Variants in CTNNA3 observed in about 807,000 individuals in gnomAD.
The protein encoded by CTNNA3 is catenin alpha-3.
In CTNNA3, 76 loss-of-function variants were observed where a neutral mutation model predicts 95.7. That is an observed-to-expected ratio of 0.79 (90% CI 0.66 to 0.96). CTNNA3 has a LOEUF of 0.96. CTNNA3 is among the 40% of genes least tolerant of loss of function. The pLI, the probability that CTNNA3 is intolerant of heterozygous loss-of-function variation, is 0.00. For synonymous variants in CTNNA3, 431 were observed against 374.4 expected, an observed-to-expected ratio of 1.15 and a Z score of -1.74; for missense variants, 1,191 against 1,089.8, an observed-to-expected ratio of 1.09 and a Z score of -1.31.
intron 5 of CTNNA3, among the ~76,000 whole-genome samples, chr10:67,281,560 A>G (rs1839402314): frequency 6.6e-6 from 1 of 152,178 alleles, no homozygotes; most frequent in Admixed American, 6.6e-5. Context: ...ATGATGGTTT[A>G]TAATTTGCAG....
intron 14 of CTNNA3, among the ~76,000 whole-genome samples, chr10:66,093,377 C>G (rs1339475391): frequency 1.3e-5 from 2 of 151,866 alleles, no homozygotes; most frequent in Non-Finnish European, 2.9e-5. Flanking sequence ...AGCTTTTCAG[C>G]AGAAGTTTTT....
intron 15 of CTNNA3, among the ~76,000 whole-genome samples, chr10:66,060,623 A>G (rs2080175216): frequency 6.6e-6 from 1 of 152,082 alleles, no homozygotes; most frequent in Admixed American, 6.6e-5. Context: ...TTTTATGCAG[A>G]AAGACTTAGG....
At chr10:66,681,262 C>T (rs1847058758) in intron 9 of CTNNA3, among the ~76,000 whole-genome samples, 1 of 152,220 alleles carries the variant, frequency 6.6e-6, no homozygotes. Flanking sequence ...CTGCATATTA[C>T]CCTGACTCAT....
intron 11 of CTNNA3, among the ~76,000 whole-genome samples, chr10:66,411,079 T>C (rs920083043): frequency 2.0e-5 from 3 of 152,194 alleles, no homozygotes; most frequent in African/African-American, 7.2e-5. Context: ...CTTCTGTCAA[T>C]TTGAAAATAA....
At chr10:66,303,820 C>G (rs2091897771) in intron 12 of CTNNA3, among the ~76,000 whole-genome samples, 1 of 152,032 alleles carries the variant, frequency 6.6e-6, no homozygotes, top group Admixed American at 6.6e-5. Context: ...GTCTTGATCT[C>G]CTGACCTCGT....
At chr10:66,039,976 C>A (rs2079650893) in intron 15 of CTNNA3, among the ~76,000 whole-genome samples, 1 of 152,106 alleles carries the variant, frequency 6.6e-6, no homozygotes, top group South Asian at 2.1e-4. Context: ...CTGCATCTGA[C>A]TAAGCTCTAA....
chr10:66,328,594 C>T (rs920214695), intron 12 of CTNNA3, among the ~76,000 whole-genome samples: 1 of 151,784 alleles, frequency 6.6e-6, no homozygotes, highest in Admixed American at 6.6e-5. Context: ...TGAAATCTCA[C>T]GGTCCATTTT....
At chr10:67,442,538 A>G (rs1003236397) in intron 5 of CTNNA3, among the ~76,000 whole-genome samples, 18 of 152,096 alleles carry the variant, frequency 1.2e-4, no homozygotes, top group Non-Finnish European at 2.2e-4. Flanking sequence ...ATCTGAATGA[A>G]CAGCCCCCCA....
chr10:66,244,582 A>G (rs554283752), intron 13 of CTNNA3, among the ~76,000 whole-genome samples: 1,884 of 55,280 alleles, frequency 0.034, 34 homozygotes, highest in African/African-American at 0.08. Context: ...GTAAGAAAAG[A>G]GAAAAACAAT....
chr10:65,997,990 G>A (rs190014341), intron 15 of CTNNA3, among the ~76,000 whole-genome samples: 4 of 152,148 alleles, frequency 2.6e-5, no homozygotes, highest in East Asian at 3.9e-4. Flanking sequence ...ACTCCTGCCT[G>A]GGCAACAAGG....
intron 4 of CTNNA3, among the ~76,000 whole-genome samples, chr10:67,535,388 G>A (rs1346652742): frequency 2.6e-5 from 4 of 152,054 alleles, no homozygotes; most frequent in Middle Eastern, 3.2e-3. Context: ...GTCAAAGGAT[G>A]ATGGACTGTA....
intron 1 of CTNNA3, among the ~76,000 whole-genome samples, chr10:67,749,687 C>T (rs1482332444): frequency 6.6e-6 from 1 of 152,184 alleles, no homozygotes; most frequent in Non-Finnish European, 1.5e-5. Context: ...ATTTATAGCA[C>T]TAAATACCCA....
Position 66,342,841 on chromosome 10 carries a change from T to C in CTNNA3, c.1732+36311A>G, listed in dbSNP as rs148398462. ...TCAATAATTTTTGGAAGATATTATC[T>C]TTGTCGTATTATTTGTTCAATGACA... is the stretch of plus-strand genomic sequence containing the variant. On this transcript the variant is annotated intron_variant, in intron 12 of 17. Coordinates refer to ENST00000433211, the MANE Select transcript of CTNNA3 (RefSeq NM_013266.4). Among the ~76,000 whole-genome samples the C allele has an allele frequency of 2.0e-5, 3 of 152,236 alleles. No homozygotes were observed. The East Asian group carries it at 5.8e-4, about 29-fold the overall frequency.
At chr10:66,895,054 C>CAAAAAAAAAAAAAAAAAAAAAAAAAACA (rs537843933) in intron 7 of CTNNA3, among the ~76,000 whole-genome samples, 1 of 115,586 alleles carries the variant, frequency 8.7e-6, no homozygotes, top group Non-Finnish European at 1.7e-5. Flanking sequence ...AACAAATAAA[C>CAAAAAAAAAAAAAAAAAAAAAAAAAACA]AAAAAAAAAA....
chr10:66,704,538 T>C (rs1181171565), intron 9 of CTNNA3, among the ~76,000 whole-genome samples: 2 of 152,180 alleles, frequency 1.3e-5, no homozygotes, highest in Admixed American at 1.3e-4. Context: ...CATGCCATTT[T>C]ATTACCCTTT....
chr10:66,301,523 A>G (rs1372016066), intron 12 of CTNNA3, among the ~76,000 whole-genome samples: 1 of 151,930 alleles, frequency 6.6e-6, no homozygotes, highest in Non-Finnish European at 1.5e-5. Context: ...AAATAAATCT[A>G]CAAAGAATCA....
At chr10:66,218,986 C>G (rs2088735759) in intron 13 of CTNNA3, among the ~76,000 whole-genome samples, 1 of 152,174 alleles carries the variant, frequency 6.6e-6, no homozygotes, top group Non-Finnish European at 1.5e-5. Flanking sequence ...GTTCTCCTTT[C>G]TTATTAGAAA....
chr10:66,430,961 C>G (rs2093289707), intron 11 of CTNNA3, among the ~76,000 whole-genome samples: 1 of 152,028 alleles, frequency 6.6e-6, no homozygotes, highest in Non-Finnish European at 1.5e-5. Context: ...TCAGAGTGAA[C>G]AGGCAACCTA....
At chr10:66,448,048 T>C (rs1436829161) in intron 11 of CTNNA3, among the ~76,000 whole-genome samples, 1 of 152,188 alleles carries the variant, frequency 6.6e-6, no homozygotes, top group Non-Finnish European at 1.5e-5. Flanking sequence ...AAAGAAGACA[T>C]TTATGCAGCC....
Sources: allele counts gnomAD v4.1 joint callset (sites outside exome capture counted in the v4.1 genomes callset), GRCh38; gene constraint gnomAD v4.1.1; transcripts MANE v1.5; gene names NCBI Gene and HGNC (gene_info 2026-07-23, HGNC 2026-07-21).